The following IL17RD variants were observed in gnomAD, a reference collection of about 807,000 sequenced individuals.
The protein encoded by IL17RD is interleukin-17 receptor D.
Under a neutral mutation model 80.5 loss-of-function variants are expected in IL17RD, and 52 were observed. The observed-to-expected ratio is 0.65, with a 90% CI of 0.52 to 0.81. IL17RD has a LOEUF of 0.81. Among genes scored for constraint, IL17RD ranks in the 40% least tolerant of loss-of-function variants. The probability of loss-of-function intolerance (pLI) is 0.00; values close to 1 mark genes in which losing one functional copy is unlikely to be tolerated. For missense variants in IL17RD, 1,024 were observed against 955.1 expected, an observed-to-expected ratio of 1.07 and a Z score of -0.95; for synonymous variants, 416 against 391.8, an observed-to-expected ratio of 1.06 and a Z score of -0.73.
chr3:57,143,927 G>A (rs1052695748), intron 1 of IL17RD, among the ~76,000 whole-genome samples: 3 of 152,174 alleles, frequency 2.0e-5, no homozygotes, highest in African/African-American at 7.2e-5. Context: ...ACCTACAGGG[G>A]CAAGAGGCAT....
At chr3:57,109,884 G>A (rs964210520) in intron 4 of IL17RD, among the ~76,000 whole-genome samples, 3 of 152,196 alleles carry the variant, frequency 2.0e-5, no homozygotes, top group Non-Finnish European at 2.9e-5. Context: ...AGAACCCATG[G>A]CTTGTTAATA....
chr3:57,105,552 A>AAAAAAAAAATATATATATAT, intron 7 of IL17RD, among the ~76,000 whole-genome samples: 1 of 63,588 alleles, frequency 1.6e-5, no homozygotes, highest in African/African-American at 9.3e-5. Context: ...AAAAAAAAAA[A>AAAAAAAAAATATATATATAT]ATATATATAT....
chr3:57,170,302 C>G (rs1478598812), upstream of IL17RD: 1 of 152,320 alleles, frequency 6.6e-6, no homozygotes, highest in African/African-American at 2.4e-5. Context: ...AAAAGAAGAG[C>G]GGATGTCTAG....
chr3:57,153,569 G>C (rs1481472502), intron 1 of IL17RD, among the ~76,000 whole-genome samples: 1 of 152,220 alleles, frequency 6.6e-6, no homozygotes, highest in African/African-American at 2.4e-5. Flanking sequence ...ATGTGATGCA[G>C]AAAGAAATTA....
intron 1 of IL17RD, among the ~76,000 whole-genome samples, chr3:57,130,618 A>G (rs1489952553): frequency 1.3e-5 from 2 of 152,182 alleles, no homozygotes; most frequent in Non-Finnish European, 2.9e-5. Flanking sequence ...ACAGTCACCA[A>G]GCTCTGACGG....
At chr3:57,114,145 T>C (rs1230832180) in intron 3 of IL17RD, among the ~76,000 whole-genome samples, 5 of 151,242 alleles carry the variant, frequency 3.3e-5, no homozygotes, top group South Asian at 4.2e-4. Flanking sequence ...GATCGCACCA[T>C]TGCACTCCAG....
At chr3:57,131,415 G>A (rs1707606549) in intron 1 of IL17RD, among the ~76,000 whole-genome samples, 1 of 152,170 alleles carries the variant, frequency 6.6e-6, no homozygotes. Context: ...TCAGCCAACA[G>A]GAGTCCCAGG....
intron 1 of IL17RD, among the ~76,000 whole-genome samples, chr3:57,155,823 T>C (rs1349081257): frequency 6.6e-6 from 1 of 152,156 alleles, no homozygotes; most frequent in Non-Finnish European, 1.5e-5. Flanking sequence ...ACTCCTGACC[T>C]CAGGTGATCC....
intron 1 of IL17RD, among the ~76,000 whole-genome samples, chr3:57,138,863 C>T (rs1040284485): frequency 6.1e-5 from 9 of 146,534 alleles, no homozygotes; most frequent in African/African-American, 2.0e-4. Flanking sequence ...AGCTTCAACC[C>T]GGGAGGCAGA....
In IL17RD at chr3:57,096,336, T is replaced by C. The variant is rs1456930627; in HGVS notation, c.*57A>G. On this transcript the variant is annotated 3_prime_UTR_variant, in exon 13 of 13. Transcript: ENST00000296318. ...GGGCCATGCAACCAGGGAGATGAGCTGGGGAATCAGAGGGAGGCAGCAGCT... is the reference window on the plus strand; with the variant it reads ...GGGCCATGCAACCAGGGAGATGAGCCGGGGAATCAGAGGGAGGCAGCAGCT... The C allele has an allele frequency of 8.7e-7, 1 of 1,156,062 alleles. No homozygotes were observed. Among genetic ancestry groups the C allele is most frequent in the East Asian group, 2.3e-5 (1 of 42,810 alleles). The allele number at this position is 1,156,062 out of a possible 1,614,324, so 71.6% of individuals were successfully genotyped here. A position where few individuals can be genotyped will look rare whatever the true frequency, so the allele number is the denominator to read the frequency against.
intron 1 of IL17RD, 28 bp from the exon 2 acceptor site, chr3:57,120,341 A>C (rs1559474154): frequency 2.1e-5 from 33 of 1,580,448 alleles, no homozygotes; most frequent in Non-Finnish European, 2.8e-5. Context: ...AACATGATGC[A>C]GAGTGAAGCC....
chr3:57,103,127 TGTTA>T lies in IL17RD; in HGVS notation c.828_831del (p.Asn277GlnfsTer5). 6.2e-7 allele frequency: 1 copy of T among 1,603,510 alleles called. No individual in the cohort carries two copies. On this transcript the variant is annotated frameshift_variant, in exon 9 of 13. Coordinates refer to ENST00000296318, the MANE Select transcript of IL17RD (RefSeq NM_017563.5). LOFTEE classifies it high-confidence loss of function. ...GCATAATGCATCACTTTTCTTGTTG[TGTTA>T]GTGTCATCCACCAGCTGCAAAACAG...
rs183216904 is a variant in IL17RD at position 57,139,933 on chromosome 3, G to C, written c.127-19620C>G. Among the ~76,000 whole-genome samples, 35 of 152,040 alleles carry C rather than the reference G, an allele frequency of 2.3e-4. No individual in the cohort carries two copies. The East Asian group carries it at 6.8e-3, about 29-fold the overall frequency. On this transcript the variant is annotated intron_variant, in intron 1 of 12. Transcript: ENST00000296318. ...TGCTGTTATTCAAACTCAACTCCTG[G>C]TTTTACAGGAAAAATAGAAAACATA...
intron 1 of IL17RD, among the ~76,000 whole-genome samples, chr3:57,162,317 C>T (rs936266457): frequency 6.6e-6 from 1 of 152,238 alleles, no homozygotes; most frequent in Non-Finnish European, 1.5e-5. Flanking sequence ...CTGAGTATGG[C>T]CCAGGCCCAC....
intron 1 of IL17RD, among the ~76,000 whole-genome samples, chr3:57,155,260 C>T (rs1049300965): frequency 6.6e-6 from 1 of 152,234 alleles, no homozygotes; most frequent in African/African-American, 2.4e-5. Flanking sequence ...CCGTTCACAT[C>T]GTTTCAGAAA....
chr3:57,147,466 C>A (rs1707955926), intron 1 of IL17RD, among the ~76,000 whole-genome samples: 8 of 152,190 alleles, frequency 5.3e-5, no homozygotes, highest in Admixed American at 5.2e-4. Flanking sequence ...TTATACAGGA[C>A]AAGCTGGTAA....
intron 1 of IL17RD, among the ~76,000 whole-genome samples, chr3:57,121,812 C>A (rs1427340644): frequency 1.3e-5 from 2 of 152,154 alleles, no homozygotes; most frequent in Admixed American, 6.5e-5. Flanking sequence ...AGGAACGAGA[C>A]AATCCAATCC....
intron 11 of IL17RD, 66 bp from the exon 12 acceptor site, chr3:57,098,604 C>G: frequency 9.3e-7 from 1 of 1,077,164 alleles, no homozygotes; most frequent in East Asian, 2.4e-5. Flanking sequence ...AAGTGAGTAA[C>G]AGGAAGGGAA....
chr3:57,115,214 G>C (rs1306632784), intron 2 of IL17RD, among the ~76,000 whole-genome samples: 1 of 152,110 alleles, frequency 6.6e-6, no homozygotes, highest in Non-Finnish European at 1.5e-5. Context: ...AATAACTTGG[G>C]CATTGTTTGT....
Sources: gnomAD v4.1 joint callset for allele counts (sites outside exome capture counted in the v4.1 genomes callset) on GRCh38, gnomAD v4.1.1 for gene constraint, MANE v1.5 for transcripts, NCBI Gene and HGNC (gene_info 2026-07-23, HGNC 2026-07-21) for gene names.